Variants in KLHL4 observed in about 807,000 individuals in gnomAD.
The protein encoded by KLHL4 is kelch-like protein 4.
A neutral mutation model predicts 45.8 loss-of-function variants in KLHL4; 17 were observed. That is an observed-to-expected ratio of 0.37 (90% CI 0.25 to 0.56). KLHL4 has a LOEUF of 0.56. Ranked by LOEUF, KLHL4 falls within the 20% of genes least tolerant of loss-of-function variation. KLHL4 has a pLI of 0.79. For synonymous variants in KLHL4, 224 were observed against 189.9 expected, an observed-to-expected ratio of 1.18 and a Z score of -1.47; for missense variants, 544 against 544.9, an observed-to-expected ratio of 1.00 and a Z score of 0.02.
Position 87,552,722 on chromosome X carries a change from T to C in KLHL4, c.422+34407T>C, listed in dbSNP as rs758521026. ...ATATATATATATATATAACATGGCATTTTCTCACTTATTAGTAGGAGGTAA... is the reference window on the plus strand; with the variant it reads ...ATATATATATATATATAACATGGCACTTTCTCACTTATTAGTAGGAGGTAA... On this transcript the variant is annotated intron_variant, in intron 1 of 10. Coordinates refer to ENST00000373119, the MANE Select transcript of KLHL4 (RefSeq NM_019117.5). Among the ~76,000 whole-genome samples the C allele has an allele frequency of 9.2e-5, 10 of 108,664 alleles. No homozygotes were observed. In the South Asian group the frequency reaches 3.9e-3, roughly 43 times the overall value. The allele number at this position is 108,664 out of a possible 115,157, so 94.4% of individuals were successfully genotyped here.
At chrX:87,532,772 G>A (rs1310731915) in intron 1 of KLHL4, among the ~76,000 whole-genome samples, 1 of 109,308 alleles carries the variant, frequency 9.1e-6, no homozygotes, top group Non-Finnish European at 1.9e-5. Context: ...TGTGATTTTT[G>A]TACATTGATT....
intron 9 of KLHL4, among the ~76,000 whole-genome samples, chrX:87,658,770 G>A (rs1241126862): frequency 1.8e-5 from 2 of 111,067 alleles, no homozygotes; most frequent in African/African-American, 6.6e-5. Flanking sequence ...CCTCGTGAGT[G>A]AGGCATGCCA....
Position 87,609,769 on chromosome X carries a change from G to A in KLHL4, c.423-4108G>A, listed in dbSNP as rs1048539064. Among the ~76,000 whole-genome samples, 3 of 111,370 alleles carry A rather than the reference G, an allele frequency of 2.7e-5. No individual in the cohort carries two copies. The Admixed American group carries it at 2.9e-4, about 11-fold the overall frequency. ...GTGCAGAAGCTCTTTAGTTTAATTA[G>A]ATCCCATTTGTCAATTTTGGCTTGT... On this transcript the variant is annotated intron_variant, in intron 1 of 10. Transcript: ENST00000373119.
At position 87,635,777 on chromosome X, in the gene KLHL4, T is replaced by C. The variant is rs764270304; in HGVS notation, c.1925+2T>C. 2 of 1,136,209 alleles carry C rather than the reference T, an allele frequency of 1.8e-6. No individual in the cohort carries two copies. Among genetic ancestry groups the C allele is most frequent in the South Asian group, 4.4e-5 (2 of 45,578 alleles). The allele number at this position is 1,136,209 out of a possible 1,213,427, so 93.6% of individuals were successfully genotyped here. On this transcript the variant is annotated splice_donor_variant, in intron 9 of 10. Coordinates refer to ENST00000373119, the MANE Select transcript of KLHL4 (RefSeq NM_019117.5). LOFTEE classifies it high-confidence loss of function. ...CAGGCTTTCTGACTGTGTGGAACGG[T>C]AAGTTTTTTCTATTTCCTTCTGTAT...
chrX:87,578,690 T>C (rs1227136436), intron 1 of KLHL4, among the ~76,000 whole-genome samples: 2 of 112,308 alleles, frequency 1.8e-5, no homozygotes, highest in Non-Finnish European at 3.8e-5. Context: ...GTAAGCAACT[T>C]CCTCCTTAGG....
chrX:87,614,501 C>G lies in KLHL4; in HGVS notation c.658C>G (p.Gln220Glu). Residue 220 changes from glutamine (Q) to glutamate (E), a missense_variant, in exon 3 of 11, where the codon CAA becomes GAA. Transcript: ENST00000373119. ...MFTNDVLEAK[Q>E]EEVRMEGVDP... ...TACTAATGATGTGCTTGAAGCCAAA[C>G]AAGAAGAGGTCAGGATGGAAGGAGT... The G allele has an allele frequency of 2.5e-6, 3 of 1,208,658 alleles. No individual in the cohort carries two copies. The highest frequency in any genetic ancestry group is 3.4e-6 in the Non-Finnish European group (3 of 893,241).
intron 8 of KLHL4, among the ~76,000 whole-genome samples, chrX:87,634,240 C>G (rs952162206): frequency 3.6e-5 from 4 of 111,421 alleles, no homozygotes; most frequent in African/African-American, 9.8e-5. Context: ...GAAGTTACTA[C>G]TTTTTTACAT....
intron 1 of KLHL4, among the ~76,000 whole-genome samples, chrX:87,585,436 G>T (rs745841115): frequency 9.0e-6 from 1 of 111,365 alleles, no homozygotes; most frequent in African/African-American, 3.2e-5. Flanking sequence ...AGTACAATAC[G>T]ATATAAATAG....
At chrX:87,620,074 G>A (rs1270199943) in intron 4 of KLHL4, among the ~76,000 whole-genome samples, 1 of 111,119 alleles carries the variant, frequency 9.0e-6, no homozygotes, top group African/African-American at 3.3e-5. Flanking sequence ...TGGGTACCCC[G>A]TTCGTTACCC....
chrX:87,645,898 C>A (rs1023218181), intron 9 of KLHL4, among the ~76,000 whole-genome samples: 1 of 110,430 alleles, frequency 9.1e-6, no homozygotes, highest in African/African-American at 3.3e-5. Context: ...GGGGACTGGG[C>A]AAGGGAAGAG....
At chrX:87,532,242 G>A (rs1051020477) in intron 1 of KLHL4, among the ~76,000 whole-genome samples, 56 of 109,867 alleles carry the variant, frequency 5.1e-4, no homozygotes, top group Middle Eastern at 4.6e-3. Context: ...TCAGATAGTT[G>A]TAGATATGCA....
chrX:87,643,844 T>C (rs1343157305), intron 9 of KLHL4, among the ~76,000 whole-genome samples: 1 of 111,685 alleles, frequency 9.0e-6, no homozygotes, highest in East Asian at 2.8e-4. Context: ...TTTGACGAAA[T>C]CCAGCAACCT....
intron 9 of KLHL4, among the ~76,000 whole-genome samples, chrX:87,636,382 C>T (rs927853036): frequency 2.7e-5 from 3 of 111,753 alleles, no homozygotes; most frequent in African/African-American, 9.8e-5. Context: ...ACTTGCAGCT[C>T]CCACTCATAT....
intron 1 of KLHL4, among the ~76,000 whole-genome samples, chrX:87,585,009 CTA>C (rs750955540): frequency 9.0e-6 from 1 of 111,227 alleles, no homozygotes; most frequent in Admixed American, 9.6e-5. Context: ...TTAAATGAAG[CTA>C]TAATACATCT....
At chrX:87,559,922 T>A (rs1029356933) in intron 1 of KLHL4, among the ~76,000 whole-genome samples, 7 of 111,644 alleles carry the variant, frequency 6.3e-5, no homozygotes, top group African/African-American at 2.3e-4. Flanking sequence ...ATTCTGTAAA[T>A]TATAAAAAAC....
intron 1 of KLHL4, among the ~76,000 whole-genome samples, chrX:87,562,591 A>G (rs770210326): frequency 9.0e-5 from 10 of 111,028 alleles, no homozygotes; most frequent in Non-Finnish European, 1.9e-4. Flanking sequence ...CAGTTAAGCC[A>G]CAGTAAAACA....
At chrX:87,587,381 A>C (rs1359564469) in intron 1 of KLHL4, among the ~76,000 whole-genome samples, 2 of 111,056 alleles carry the variant, frequency 1.8e-5, no homozygotes, top group Non-Finnish European at 3.8e-5. Flanking sequence ...GAAAATATTG[A>C]TGCAAAAAAT....
chrX:87,640,190 A>G (rs1290295168), intron 9 of KLHL4, among the ~76,000 whole-genome samples: 1 of 111,520 alleles, frequency 9.0e-6, no homozygotes, highest in Non-Finnish European at 1.9e-5. Flanking sequence ...CAAGATTGAA[A>G]CAGTAACTAA....
chrX:87,626,966 T>C (rs1922950931), intron 6 of KLHL4, among the ~76,000 whole-genome samples: 1 of 111,697 alleles, frequency 9.0e-6, no homozygotes, highest in East Asian at 2.8e-4. Flanking sequence ...CTTCCATTTG[T>C]AGAAGGAATG....
Sources: allele counts gnomAD v4.1 joint callset (sites outside exome capture counted in the v4.1 genomes callset), GRCh38; gene constraint gnomAD v4.1.1; transcripts MANE v1.5; gene names NCBI Gene and HGNC (gene_info 2026-07-23, HGNC 2026-07-21).